Variants in CPQ observed in about 807,000 individuals in gnomAD.
The protein encoded by CPQ is carboxypeptidase Q.
Under a neutral mutation model 45.7 loss-of-function variants are expected in CPQ, and 37 were observed. That is an observed-to-expected ratio of 0.81 (90% CI 0.62 to 1.07). CPQ has a LOEUF of 1.07. Among genes scored for constraint, CPQ ranks in the 50% least tolerant of loss-of-function variants. CPQ has a pLI of 0.00. For synonymous variants in CPQ, 186 were observed against 205.8 expected (o/e 0.90, Z 0.82); for missense variants, 537 against 572.9 (o/e 0.94, Z 0.64).
intron 3 of CPQ, among the ~76,000 whole-genome samples, chr8:96,838,609 A>G (rs924258878): frequency 2.0e-5 from 3 of 151,970 alleles, no homozygotes; most frequent in Non-Finnish European, 4.4e-5. Flanking sequence ...GTCTGCCCCA[A>G]TTGCCTGTCT....
Position 96,648,061 on chromosome 8 carries a change from G to C in CPQ, c.-35+2659G>C, listed in dbSNP as rs561479711. Among the ~76,000 whole-genome samples the C allele has an allele frequency of 2.0e-5, 3 of 152,254 alleles. No homozygotes were observed. In the South Asian group the frequency reaches 6.2e-4, roughly 32 times the overall value. ...AATCCAGAGACAAGAATGCAGGATG[G>C]GTTTCCAGAACCCTTATAATTAATT... On this transcript the variant is annotated intron_variant, in intron 1 of 7. Coordinates refer to ENST00000220763, the MANE Select transcript of CPQ (RefSeq NM_016134.4).
At chr8:97,043,546 T>C (rs899974734) in intron 6 of CPQ, among the ~76,000 whole-genome samples, 1 of 152,204 alleles carries the variant, frequency 6.6e-6, no homozygotes, top group African/African-American at 2.4e-5. Context: ...TAGCTGGTTA[T>C]TTTGATCGTT....
chr8:96,748,612 C>G (rs1810220326), intron 1 of CPQ, among the ~76,000 whole-genome samples: 1 of 151,758 alleles, frequency 6.6e-6, no homozygotes, highest in Non-Finnish European at 1.5e-5. Context: ...GAGTTTTTTA[C>G]CTAATATATT....
intron 7 of CPQ, among the ~76,000 whole-genome samples, chr8:97,126,830 A>G (rs1219700469): frequency 2.6e-5 from 4 of 152,326 alleles, no homozygotes; most frequent in South Asian, 2.1e-4. Flanking sequence ...GCATATTGGC[A>G]TAAGAATAGA....
rs34830752 is a variant in CPQ at position 97,099,115 on chromosome 8, CTTTTTTTTTT to C, written c.1255+32923_1255+32932del. 4.9e-3 allele frequency among the ~76,000 whole-genome samples: 324 copies of C among 66,348 alleles called. 2 individuals are homozygous for C. Among genetic ancestry groups the C allele is most frequent in the African/African-American group, 0.017 (282 of 16,268 alleles). The allele number at this position is 66,348 out of a possible 152,430, so 43.5% of individuals were successfully genotyped here. On this transcript the variant is annotated intron_variant, in intron 7 of 7. Coordinates refer to ENST00000220763, the MANE Select transcript of CPQ (RefSeq NM_016134.4). ...GAAGTCCCAAAACTCCCTTCTCTCT[CTTTTTTTTTT>C]TTTTTTTTTTTTTTTTTGTGATGAA...
chr8:96,787,031 A>G (rs1810777763), intron 2 of CPQ, among the ~76,000 whole-genome samples: 1 of 151,912 alleles, frequency 6.6e-6, no homozygotes, highest in Non-Finnish European at 1.5e-5. Context: ...ATTTTTGATT[A>G]GTCCAACTAA....
intron 7 of CPQ, among the ~76,000 whole-genome samples, chr8:97,124,160 A>G (rs1430903407): frequency 1.6e-5 from 2 of 123,922 alleles, no homozygotes; most frequent in South Asian, 2.8e-4. Context: ...GGGGAGGTGG[A>G]GGTTGCAGTG....
chr8:96,895,531 G>A (rs1812432486), intron 4 of CPQ, among the ~76,000 whole-genome samples: 1 of 152,146 alleles, frequency 6.6e-6, no homozygotes, highest in African/African-American at 2.4e-5. Flanking sequence ...GAAAAATGAT[G>A]TCATAGTTAA....
At chr8:96,814,854 T>C (rs1389374936) in intron 2 of CPQ, among the ~76,000 whole-genome samples, 1 of 152,150 alleles carries the variant, frequency 6.6e-6, no homozygotes, top group Admixed American at 6.6e-5. Flanking sequence ...TACTGGTGCA[T>C]GCTAAAAACC....
intron 4 of CPQ, among the ~76,000 whole-genome samples, chr8:96,885,259 A>C (rs1812285682): frequency 6.6e-6 from 1 of 152,154 alleles, no homozygotes. Flanking sequence ...TAACAAACTC[A>C]TTTTTGAGAT....
chr8:96,766,006 G>A (rs1810463631), intron 1 of CPQ, among the ~76,000 whole-genome samples: 1 of 152,178 alleles, frequency 6.6e-6, no homozygotes, highest in South Asian at 2.1e-4. Context: ...TCCAAACCAT[G>A]AGGGTCAGGC....
At chr8:96,872,469 G>A (rs575551121) in intron 3 of CPQ, among the ~76,000 whole-genome samples, 2 of 152,008 alleles carry the variant, frequency 1.3e-5, no homozygotes, top group African/African-American at 4.8e-5. Context: ...TAATTTAGGT[G>A]TGTAATAACT....
chr8:97,080,503 T>G (rs1810927529), intron 7 of CPQ, among the ~76,000 whole-genome samples: 1 of 152,222 alleles, frequency 6.6e-6, no homozygotes, highest in African/African-American at 2.4e-5. Flanking sequence ...TAGGACTTTT[T>G]ACTATAAAAA....
At chr8:96,664,819 T>A (rs983085120) in intron 1 of CPQ, among the ~76,000 whole-genome samples, 2 of 152,188 alleles carry the variant, frequency 1.3e-5, no homozygotes, top group African/African-American at 4.8e-5. Flanking sequence ...GGCCCTTCAC[T>A]GGACAGGCAA....
rs1214834740 is a variant in CPQ, at chr8:96,700,692, G to A, written c.-35+55290G>A. On this transcript the variant is annotated intron_variant, in intron 1 of 7. Coordinates refer to ENST00000220763, the MANE Select transcript of CPQ (RefSeq NM_016134.4). ...CAGCCAGTCTCATATGTCAACCTCT[G>A]CCACATCTGAAATTTCTCTCCCACT... is the stretch of plus-strand genomic sequence containing the variant. Among the ~76,000 whole-genome samples, 37 of 152,160 alleles carry A rather than the reference G, an allele frequency of 2.4e-4. 1 individual carries two copies. The highest frequency in any genetic ancestry group is 2.4e-3 in the Admixed American group (37 of 15,264).
intron 4 of CPQ, among the ~76,000 whole-genome samples, chr8:96,937,783 C>A (rs1436004947): frequency 1.3e-5 from 2 of 152,160 alleles, no homozygotes; most frequent in South Asian, 2.1e-4. Flanking sequence ...TATTACTAAA[C>A]CTTACAGAAG....
chr8:97,088,739 A>C (rs1160150597), intron 7 of CPQ, among the ~76,000 whole-genome samples: 1 of 152,162 alleles, frequency 6.6e-6, no homozygotes, highest in Non-Finnish European at 1.5e-5. Flanking sequence ...CCTAGCTTTT[A>C]AAAAATGCTA....
intron 6 of CPQ, among the ~76,000 whole-genome samples, chr8:97,063,738 C>T (rs1227386446): frequency 6.6e-6 from 1 of 150,790 alleles, no homozygotes; most frequent in African/African-American, 2.4e-5. Context: ...TTCCCCATTG[C>T]TTTTTTTTTG....
chr8:96,889,783 C>A (rs1024202085), intron 4 of CPQ, among the ~76,000 whole-genome samples: 1 of 152,170 alleles, frequency 6.6e-6, no homozygotes, highest in Admixed American at 6.5e-5. Context: ...GCATCCAGTA[C>A]AGAAGAAAGG....
Sources: gnomAD v4.1 joint callset for allele counts (sites outside exome capture counted in the v4.1 genomes callset) on GRCh38, gnomAD v4.1.1 for gene constraint, MANE v1.5 for transcripts, NCBI Gene and HGNC (gene_info 2026-07-23, HGNC 2026-07-21) for gene names.